The following TBC1D5 variants were observed in gnomAD, a reference collection of about 807,000 sequenced individuals.
TBC1D5 encodes the protein TBC1 domain family, member 5.
TBC1D5 carries 75 observed loss-of-function variants against 100.3 expected under a neutral mutation model. The ratio of observed to expected loss-of-function variants is 0.75; its 90% confidence interval spans 0.62 to 0.91. The LOEUF (loss-of-function observed/expected upper bound fraction) is 0.91, where lower values mean the gene tolerates loss of function less well. Ranked by LOEUF, TBC1D5 falls within the 40% of genes least tolerant of loss-of-function variation. TBC1D5 has a pLI of 0.00. For missense variants in TBC1D5, 910 were observed against 942.4 expected, an observed-to-expected ratio of 0.97 and a Z score of 0.45; for synonymous variants, 323 against 325.6, an observed-to-expected ratio of 0.99 and a Z score of 0.09.
chr3:17,560,787 G>C (rs1055145757), intron 2 of TBC1D5, among the ~76,000 whole-genome samples: 1 of 151,770 alleles, frequency 6.6e-6, no homozygotes, highest in African/African-American at 2.4e-5. Context: ...TGGGTGTGGT[G>C]GCCCGCGTCT....
At chr3:17,551,371 A>G (rs2096471903) in intron 2 of TBC1D5, among the ~76,000 whole-genome samples, 1 of 152,138 alleles carries the variant, frequency 6.6e-6, no homozygotes, top group Admixed American at 6.5e-5. Flanking sequence ...GCTGGCTATT[A>G]AAATACTCCT....
chr3:17,704,437 C>A (rs1266388694), intron 1 of TBC1D5, among the ~76,000 whole-genome samples: 1 of 149,666 alleles, frequency 6.7e-6, no homozygotes, highest in African/African-American at 2.4e-5. Context: ...AGCTGTTGGG[C>A]ACACCTCCCA....
chr3:17,177,568 A>G (rs2067921955), intron 19 of TBC1D5, among the ~76,000 whole-genome samples: 1 of 152,168 alleles, frequency 6.6e-6, no homozygotes. Flanking sequence ...GTTTATGAAT[A>G]TATTAGCTGA....
chr3:17,401,260 ATATATG>A (rs1303913958), intron 8 of TBC1D5, among the ~76,000 whole-genome samples: 3 of 149,164 alleles, frequency 2.0e-5, no homozygotes, highest in African/African-American at 7.4e-5. Context: ...TAATATACAT[ATATATG>A]TATGTGTATA....
intron 14 of TBC1D5, among the ~76,000 whole-genome samples, chr3:17,300,153 T>TTG (rs1387692432): frequency 1.3e-5 from 2 of 152,190 alleles, no homozygotes; most frequent in African/African-American, 4.8e-5. Context: ...TAAACGGTGT[T>TTG]TGTAACAGGG....
intron 1 of TBC1D5, among the ~76,000 whole-genome samples, chr3:17,727,552 T>C (rs2076227392): frequency 2.0e-5 from 3 of 152,208 alleles, no homozygotes; most frequent in Admixed American, 2.0e-4. Flanking sequence ...CCCAAACGTT[T>C]ATTAAATTGT....
At chr3:17,430,767 T>C (rs1223242196) in intron 3 of TBC1D5, among the ~76,000 whole-genome samples, 1 of 151,882 alleles carries the variant, frequency 6.6e-6, no homozygotes, top group African/African-American at 2.4e-5. Context: ...ACTCTTATTT[T>C]GGAAGGAAAC....
At chr3:17,256,594 G>C (rs912166177) in intron 16 of TBC1D5, among the ~76,000 whole-genome samples, 1 of 151,998 alleles carries the variant, frequency 6.6e-6, no homozygotes, top group African/African-American at 2.4e-5. Flanking sequence ...CTGTGGTGGA[G>C]AAAAAGGTGT....
At chr3:17,556,032 T>G (rs2096516702) in intron 2 of TBC1D5, among the ~76,000 whole-genome samples, 1 of 151,666 alleles carries the variant, frequency 6.6e-6, no homozygotes, top group African/African-American at 2.4e-5. Context: ...ATAGTTTGGT[T>G]TTTTTTTTGA....
At chr3:17,600,830 G>A (rs1305684991) in intron 2 of TBC1D5, among the ~76,000 whole-genome samples, 1 of 152,068 alleles carries the variant, frequency 6.6e-6, no homozygotes, top group Non-Finnish European at 1.5e-5. Flanking sequence ...GACCGGGCGG[G>A]GGAAAAAAAC....
At chr3:17,478,911 G>A (rs1349666687) in intron 3 of TBC1D5, among the ~76,000 whole-genome samples, 1 of 152,166 alleles carries the variant, frequency 6.6e-6, no homozygotes, top group Admixed American at 6.5e-5. Context: ...CTCAGAGTAA[G>A]AGAATTACTC....
At chr3:17,684,948 TTAAAA>T in intron 1 of TBC1D5, among the ~76,000 whole-genome samples, 1 of 152,146 alleles carries the variant, frequency 6.6e-6, no homozygotes. Context: ...AGATTTGCCA[TTAAAA>T]TAAAATAACC....
chr3:17,216,667 C>T (rs557183169), intron 17 of TBC1D5, among the ~76,000 whole-genome samples: 1 of 152,166 alleles, frequency 6.6e-6, no homozygotes, highest in Admixed American at 6.6e-5. Context: ...TCTCTCCCTC[C>T]ATGTTTCCCA....
rs1230775916 is a variant in TBC1D5 at position 17,699,166 on chromosome 3, G to A, written c.-101+40177C>T. Among the ~76,000 whole-genome samples the A allele has an allele frequency of 5.5e-5, 7 of 128,232 alleles. No homozygotes were observed. The East Asian group carries it at 1.5e-3, about 28-fold the overall frequency. The allele number at this position is 128,232 out of a possible 152,430, so 84.1% of individuals were successfully genotyped here. ...CCCAAATGTCCAACAATGATAGACT[G>A]GATTAAGAAAATGTGGCACATATAC... is the stretch of plus-strand genomic sequence containing the variant. On this transcript the variant is annotated intron_variant, in intron 1 of 21. Coordinates refer to ENST00000253692, the Ensembl canonical transcript of TBC1D5.
chr3:17,207,042 C>G (rs1228963446), intron 18 of TBC1D5, among the ~76,000 whole-genome samples: 1 of 152,154 alleles, frequency 6.6e-6, no homozygotes, highest in African/African-American at 2.4e-5. Context: ...TCAAGTGATC[C>G]TCATACCTCA....
At chr3:17,360,090 C>T (rs1254273620) in intron 13 of TBC1D5, among the ~76,000 whole-genome samples, 3 of 151,888 alleles carry the variant, frequency 2.0e-5, no homozygotes, top group Non-Finnish European at 4.4e-5. Flanking sequence ...GACTGGAAGG[C>T]AATGTCAGTT....
At chr3:17,624,146 T>C (rs1175245276) in intron 1 of TBC1D5, among the ~76,000 whole-genome samples, 1 of 152,192 alleles carries the variant, frequency 6.6e-6, no homozygotes, top group Non-Finnish European at 1.5e-5. Flanking sequence ...CACAGCACTG[T>C]CATTTAGCAA....
chr3:17,517,507 T>C (rs568347550), intron 2 of TBC1D5, among the ~76,000 whole-genome samples: 2 of 152,324 alleles, frequency 1.3e-5, no homozygotes, highest in South Asian at 4.1e-4. Context: ...TACAGGTCAA[T>C]GATGAGAATG....
At chr3:17,576,528 G>A (rs1443486743) in intron 2 of TBC1D5, 3 of 151,970 alleles carry the variant, frequency 2.0e-5, no homozygotes, top group Non-Finnish European at 4.4e-5. Context: ...GGTGGTCCCT[G>A]AGACAATATC....
Sources: gnomAD v4.1 joint callset for allele counts (sites outside exome capture counted in the v4.1 genomes callset) on GRCh38, gnomAD v4.1.1 for gene constraint, MANE v1.5 for transcripts, NCBI Gene and HGNC (gene_info 2026-07-23, HGNC 2026-07-21) for gene names.